MIA2: variants seen among roughly 807,000 people sequenced by gnomAD.
The protein encoded by MIA2 is MIA SH3 domain ER export factor 2.
Under a neutral mutation model 167.8 loss-of-function variants are expected in MIA2, and 127 were observed. The ratio of observed to expected loss-of-function variants is 0.76; its 90% CI spans 0.66 to 0.88. The LOEUF is 0.88. MIA2 is among the 40% of genes least tolerant of loss of function. The probability of loss-of-function intolerance (pLI) is 0.00; values close to 1 mark genes in which losing one functional copy is unlikely to be tolerated. For missense variants in MIA2, 1,690 were observed against 1,624.7 expected (o/e 1.04, Z -0.69); for synonymous variants, 552 against 541.9 (o/e 1.02, Z -0.26).
chr14:39,246,710 C>T (rs1345084152), intron 3 of MIA2, among the ~76,000 whole-genome samples: 3 of 152,146 alleles, frequency 2.0e-5, no homozygotes, highest in Non-Finnish European at 1.5e-5. Flanking sequence ...AAACAAAAAA[C>T]CATAATGTAA....
intron 25 of MIA2, among the ~76,000 whole-genome samples, chr14:39,341,653 G>T (rs909766862): frequency 6.6e-6 from 1 of 152,080 alleles, no homozygotes; most frequent in African/African-American, 2.4e-5. Flanking sequence ...GGAGAGGACT[G>T]TCAGATCTGA....
intron 23 of MIA2, among the ~76,000 whole-genome samples, chr14:39,368,086 A>G (rs1303733414): frequency 2.0e-5 from 3 of 152,072 alleles, no homozygotes; most frequent in Non-Finnish European, 4.4e-5. Flanking sequence ...ATGCATTTAC[A>G]TGTGAGGCTC....
chr14:39,238,122 T>C (rs1291526374), intron 2 of MIA2, among the ~76,000 whole-genome samples: 2 of 151,924 alleles, frequency 1.3e-5, no homozygotes, highest in African/African-American at 4.8e-5. Context: ...AAGGGCTGAG[T>C]TGTTATTGAA....
At chr14:39,269,613 T>C (rs1424138516) in intron 6 of MIA2, among the ~76,000 whole-genome samples, 2 of 151,888 alleles carry the variant, frequency 1.3e-5, no homozygotes, top group African/African-American at 2.4e-5. Context: ...TAGACCTCTC[T>C]GGCTCAGGTG....
chr14:39,344,115 A>G (rs954753244), intron 25 of MIA2, among the ~76,000 whole-genome samples: 1 of 152,224 alleles, frequency 6.6e-6, no homozygotes, highest in African/African-American at 2.4e-5. Context: ...AGGCCTTGGT[A>G]AGATTTAAGG....
intron 6 of MIA2, chr14:39,276,149 C>G (rs1337831520): frequency 6.6e-6 from 1 of 152,002 alleles, no homozygotes; most frequent in African/African-American, 2.4e-5. Flanking sequence ...GGCCTGGTAA[C>G]AAAGAGCAGA....
intron 6 of MIA2, among the ~76,000 whole-genome samples, chr14:39,256,347 T>C (rs2054815563): frequency 6.6e-6 from 1 of 152,108 alleles, no homozygotes; most frequent in African/African-American, 2.4e-5. Flanking sequence ...AAATGGAAAA[T>C]TTGAGCAATT....
chr14:39,293,971 A>G lies in MIA2; in HGVS notation c.2320-29A>G, dbSNP rs759416223. ...CATTTTGGAAACTAGAGTTTAGTAAATATTAATTGCCTGATACTGTGTTTC... is the reference window on the plus strand; with the variant it reads ...CATTTTGGAAACTAGAGTTTAGTAAGTATTAATTGCCTGATACTGTGTTTC... On this transcript the variant is annotated intron_variant, in intron 11 of 28. Transcript: ENST00000640607. 9.6e-6 allele frequency: 15 copies of G among 1,566,524 alleles called. No individual in the cohort carries two copies. In the East Asian group the frequency reaches 2.7e-4, roughly 28 times the overall value.
downstream of MIA2, among the ~76,000 whole-genome samples, chr14:39,355,677 T>C (rs1032129038): frequency 8.5e-5 from 13 of 152,144 alleles, no homozygotes; most frequent in Non-Finnish European, 1.0e-4. Flanking sequence ...CAGTATGATA[T>C]TGGGTGTGGG....
intron 21 of MIA2, 82 bp from the exon 22 acceptor site, chr14:39,317,862 A>G: frequency 1.1e-6 from 1 of 870,174 alleles, no homozygotes; most frequent in Non-Finnish European, 1.7e-6. Flanking sequence ...TAAGAAATTT[A>G]ATGAATGTTT....
intron 23 of MIA2, among the ~76,000 whole-genome samples, chr14:39,379,734 C>T (rs1011829731): frequency 3.9e-5 from 6 of 152,070 alleles, no homozygotes; most frequent in African/African-American, 7.2e-5. Context: ...CACCTGTAAT[C>T]CCAGTTATCA....
intron 6 of MIA2, 33 bp from the exon 7 acceptor site, chr14:39,276,901 A>G: frequency 6.2e-7 from 1 of 1,602,264 alleles, no homozygotes; most frequent in Non-Finnish European, 8.5e-7. Flanking sequence ...CCAAAAGTAC[A>G]TTTTTAAGAA....
chr14:39,325,398 C>T lies in MIA2; in HGVS notation c.3497-1466C>T, dbSNP rs553344898. Among the ~76,000 whole-genome samples the T allele has an allele frequency of 9.3e-3, 1,293 of 138,434 alleles. 15 individuals are homozygous for T. The highest frequency in any genetic ancestry group is 0.032 in the African/African-American group (1,172 of 36,902). 90.8% of individuals were successfully genotyped at this position (138,434 alleles called of 152,430 possible). A position where few individuals can be genotyped will look rare whatever the true frequency, so the allele number is the denominator to read the frequency against. The stretch of plus-strand genomic sequence containing the variant: ...TTTTTTTTTTTTTGAGATGGAGTCT[C>T]GCTCTATCCCCCAGACTGGTGTGCA... On this transcript the variant is annotated intron_variant, in intron 24 of 28. Transcript: ENST00000640607.
rs373699325 is a variant in MIA2, at chr14:39,269,639, C to A, written c.1888-7295C>A. Reference sequence around the variant, plus strand: ...GGCTCAGGTGATCCTCCCACCTCAGCCTCCTGAATAGGTGGGACCACAGCA... The same window carrying A: ...GGCTCAGGTGATCCTCCCACCTCAGACTCCTGAATAGGTGGGACCACAGCA... On this transcript the variant is annotated intron_variant, in intron 6 of 28. Transcript: ENST00000640607. Among the ~76,000 whole-genome samples, 9 of 152,114 alleles carry A rather than the reference C, an allele frequency of 5.9e-5. No homozygotes were observed. In the East Asian group the frequency reaches 1.2e-3, roughly 20 times the overall value.
intron 25 of MIA2, among the ~76,000 whole-genome samples, chr14:39,334,424 G>A (rs952381753): frequency 4.0e-5 from 6 of 151,026 alleles, no homozygotes; most frequent in Non-Finnish European, 7.4e-5. Flanking sequence ...GCAGTGAGCC[G>A]AGATTGCGCC....
chr14:39,299,928 T>C lies in MIA2; in HGVS notation c.2561T>C (p.Phe854Ser). Residue 854 changes from phenylalanine to serine, a missense_variant, in exon 14 of 29, where the codon TTT (phenylalanine) becomes TCT (serine). Coordinates refer to ENST00000640607, the MANE Select transcript of MIA2 (RefSeq NM_001329214.4). ...GAACTTAATAAACAGAAAGTAACAT[T>C]TGAAGACTCCAAAGTACATGCAGAA... is the stretch of plus-strand genomic sequence containing the variant. ...VSELNKQKVT[F>S]EDSKVHAEQV... 3 of 1,610,558 alleles carry C rather than the reference T, an allele frequency of 1.9e-6. No individual in the cohort carries two copies. Among genetic ancestry groups the C allele is most frequent in the Non-Finnish European group, 2.5e-6 (3 of 1,178,970 alleles).
rs749859969 is a variant in MIA2, at chr14:39,236,976, A to T, written c.170A>T (p.Tyr57Phe). The T allele has an allele frequency of 6.2e-7, 1 of 1,614,108 alleles. No homozygotes were observed. Among genetic ancestry groups the T allele is most frequent in the Non-Finnish European group, 8.5e-7 (1 of 1,179,954 alleles). ...GATTATAGAGGACCTGACTGCCGAT[A>T]CCTGAACTTCACTAAGGGAGAAGAG... ...MRDYRGPDCR[Y>F]LNFTKGEEIS... is the part of the protein sequence containing the mutation. Residue 57 changes from tyrosine to phenylalanine, a missense_variant, in exon 2 of 29, where the codon TAC (tyrosine) becomes TTC (phenylalanine). Tyr to Phe is a conservative substitution (Grantham distance 22, BLOSUM62 3). Coordinates refer to ENST00000640607, the MANE Select transcript of MIA2 (RefSeq NM_001329214.4).
At chr14:39,381,294 T>C (rs1336945363) in intron 23 of MIA2, among the ~76,000 whole-genome samples, 2 of 152,162 alleles carry the variant, frequency 1.3e-5, no homozygotes, top group African/African-American at 2.4e-5. Flanking sequence ...ATAAAACCTT[T>C]TTCTCAAAAA....
chr14:39,275,139 T>TGTGTGTGTG (rs371189920), intron 6 of MIA2, among the ~76,000 whole-genome samples: 13 of 126,634 alleles, frequency 1.0e-4, no homozygotes, highest in Admixed American at 8.3e-4. Context: ...CCTTAATCCT[T>TGTGTGTGTG]TGTGTGTGTG....
Sources: gnomAD v4.1 joint callset for allele counts (sites outside exome capture counted in the v4.1 genomes callset) on GRCh38, gnomAD v4.1.1 for gene constraint, MANE v1.5 for transcripts, NCBI Gene and HGNC (gene_info 2026-07-23, HGNC 2026-07-21) for gene names.